The following AHCYL2 variants were observed in gnomAD, a reference collection of about 807,000 sequenced individuals.
AHCYL2 encodes the protein adenosylhomocysteinase like 2.
In AHCYL2, 28 loss-of-function variants were observed where a neutral mutation model predicts 81.4. The observed-to-expected ratio is 0.34, with a 90% CI of 0.25 to 0.47. The LOEUF (loss-of-function observed/expected upper bound fraction) is 0.47. Among genes scored for constraint, AHCYL2 ranks in the 20% least tolerant of loss-of-function variants. The pLI, the probability that AHCYL2 is intolerant of heterozygous loss-of-function variation, is 1.00. For missense variants in AHCYL2, 551 were observed against 785.1 expected, an observed-to-expected ratio of 0.70 and a Z score of 3.56; for synonymous variants, 272 against 290.2, an observed-to-expected ratio of 0.94 and a Z score of 0.64.
intron 1 of AHCYL2, among the ~76,000 whole-genome samples, chr7:129,334,315 A>G (rs1054892649): frequency 2.0e-5 from 3 of 151,866 alleles, no homozygotes; most frequent in African/African-American, 4.8e-5. Flanking sequence ...AGTCCTCTCT[A>G]TTTTGTTTTT....
At chr7:129,344,647 T>C (rs1181344687) in intron 1 of AHCYL2, among the ~76,000 whole-genome samples, 1 of 152,066 alleles carries the variant, frequency 6.6e-6, no homozygotes, top group Non-Finnish European at 1.5e-5. Flanking sequence ...TTATAAGTGT[T>C]ATGAAGGAAA....
intron 1 of AHCYL2, among the ~76,000 whole-genome samples, chr7:129,324,079 G>A (rs1341748022): frequency 1.1e-5 from 1 of 93,320 alleles, no homozygotes; most frequent in African/African-American, 3.6e-5. Flanking sequence ...GTAGATTTTT[G>A]TAGATGTTGG....
At chr7:129,304,805 A>G (rs967897883) in intron 1 of AHCYL2, among the ~76,000 whole-genome samples, 58 of 152,212 alleles carry the variant, frequency 3.8e-4, no homozygotes, top group African/African-American at 1.2e-3. Context: ...TGTAGGCAAC[A>G]GATCATTGAA....
chr7:129,230,405 G>T (rs924967834), intron 1 of AHCYL2, among the ~76,000 whole-genome samples: 1 of 151,818 alleles, frequency 6.6e-6, no homozygotes, highest in Non-Finnish European at 1.5e-5. Flanking sequence ...AAGAGGCCTC[G>T]AAGATAGCTA....
chr7:129,356,059 T>C lies in AHCYL2; in HGVS notation c.364-23579T>C, dbSNP rs188821859. On this transcript the variant is annotated intron_variant, in intron 1 of 16. Transcript: ENST00000325006. ...AAAATGGCTACTCACATATATATTATAGGAACTTTTCTCTCCTTCAACTCG... is the reference window on the plus strand; with the variant it reads ...AAAATGGCTACTCACATATATATTACAGGAACTTTTCTCTCCTTCAACTCG... 7.0e-4 allele frequency among the ~76,000 whole-genome samples: 106 copies of C among 152,320 alleles called. 1 individual carries two copies. The highest frequency in any genetic ancestry group is 1.7e-3 in the African/African-American group (71 of 41,574).
At position 129,427,025 on chromosome 7, in the gene AHCYL2, C is replaced by T; in HGVS notation, c.1830-14C>T. 6.2e-7 allele frequency: 1 copy of T among 1,610,764 alleles called. No homozygotes were observed. Among genetic ancestry groups the T allele is most frequent in the African/African-American group, 1.3e-5 (1 of 74,928 alleles). The stretch of plus-strand genomic sequence containing the variant: ...CTGATAACATCACAGTCTCATCTTT[C>T]TTTTTCCCTCCAGGTATTAAGTTCC... On this transcript the variant is annotated splice_polypyrimidine_tract_variant and intron_variant, in intron 16 of 16. Coordinates refer to ENST00000325006, the MANE Select transcript of AHCYL2 (RefSeq NM_015328.4). This position sits in a 1 kb window ranked among gnomAD's most constrained non-coding sequence, Gnocchi z 5.5.
intron 4 of AHCYL2, among the ~76,000 whole-genome samples, chr7:129,392,714 T>C (rs1270531557): frequency 1.3e-5 from 2 of 152,216 alleles, no homozygotes; most frequent in East Asian, 3.8e-4. Context: ...ATTATTACCA[T>C]CCAATCCTTA....
intron 14 of AHCYL2, 53 bp downstream of exon 14, chr7:129,424,995 C>T: frequency 6.2e-7 from 1 of 1,612,008 alleles, no homozygotes; most frequent in Non-Finnish European, 8.5e-7. Context: ...CTCAGACCCA[C>T]CAGGTTTCAC....
chr7:129,262,668 T>G (rs1795683202), intron 1 of AHCYL2, among the ~76,000 whole-genome samples: 1 of 152,140 alleles, frequency 6.6e-6, no homozygotes, highest in Admixed American at 6.5e-5. Context: ...GAAAGAAGCC[T>G]AATGCTGGGC....
chr7:129,347,932 C>T (rs1036571349), intron 1 of AHCYL2, among the ~76,000 whole-genome samples: 4 of 152,114 alleles, frequency 2.6e-5, no homozygotes, highest in Admixed American at 1.3e-4. Flanking sequence ...ACTTTGGGTA[C>T]CAGGACCTCC....
At chr7:129,297,668 AT>A (rs201167876) in intron 1 of AHCYL2, among the ~76,000 whole-genome samples, 5 of 151,132 alleles carry the variant, frequency 3.3e-5, no homozygotes, top group African/African-American at 1.2e-4. Context: ...TTTGAGAAGA[AT>A]TTTTTTTTAA....
rs755253014 is a variant in AHCYL2 at position 129,346,149 on chromosome 7, G to A, written c.364-33489G>A. ...ACCAGAGTGGTTGTGGTGGTGGTTG[G>A]TATTTGGTTTTGTTCCTTTTCCTTC... On this transcript the variant is annotated intron_variant, in intron 1 of 16. Transcript: ENST00000325006. 5.5e-4 allele frequency among the ~76,000 whole-genome samples: 83 copies of A among 152,206 alleles called. 1 individual carries two copies. The highest frequency in any genetic ancestry group is 2.4e-3 in the Admixed American group (36 of 15,292).
rs375863570 is a variant in AHCYL2 at position 129,342,032 on chromosome 7, C to G, written c.364-37606C>G. 7.2e-5 allele frequency among the ~76,000 whole-genome samples: 11 copies of G among 152,062 alleles called. No individual in the cohort carries two copies. In the South Asian group the frequency reaches 2.3e-3, roughly 32 times the overall value. On this transcript the variant is annotated intron_variant, in intron 1 of 16. Coordinates refer to ENST00000325006, the MANE Select transcript of AHCYL2 (RefSeq NM_015328.4). ...ATAAAGGTAAAGCTTTATGTGGGAA[C>G]CAGCATGTACTTTGGCATTAAGAGA...
At chr7:129,354,165 C>T (rs763630859) in intron 1 of AHCYL2, among the ~76,000 whole-genome samples, 5 of 152,038 alleles carry the variant, frequency 3.3e-5, no homozygotes, top group Admixed American at 2.0e-4. Context: ...GCATTGAAGG[C>T]AATCAGTCCC....
At chr7:129,333,046 G>A (rs1798475308) in intron 1 of AHCYL2, among the ~76,000 whole-genome samples, 1 of 152,102 alleles carries the variant, frequency 6.6e-6, no homozygotes, top group African/African-American at 2.4e-5. Context: ...TACTATTGAG[G>A]GGTGGAATTA....
chr7:129,271,252 T>C (rs1796001585), intron 1 of AHCYL2, among the ~76,000 whole-genome samples: 1 of 150,976 alleles, frequency 6.6e-6, no homozygotes, highest in Non-Finnish European at 1.5e-5. Context: ...TCCCAGCTAT[T>C]CGGGAGGCTA....
intron 13 of AHCYL2, among the ~76,000 whole-genome samples, chr7:129,423,160 G>A (rs185982588): frequency 3.9e-5 from 6 of 152,202 alleles, no homozygotes; most frequent in Non-Finnish European, 7.4e-5. Flanking sequence ...GTCTCTCCAC[G>A]TCAATCCACA....
At chr7:129,372,184 C>T (rs1312153306) in intron 1 of AHCYL2, among the ~76,000 whole-genome samples, 1 of 152,126 alleles carries the variant, frequency 6.6e-6, no homozygotes, top group African/African-American at 2.4e-5. Flanking sequence ...ACTTGCATAT[C>T]AATATGTAGT....
At position 129,268,630 on chromosome 7, in the gene AHCYL2, G is replaced by A. The variant is rs1563173587; in HGVS notation, c.363+43191G>A. Among the ~76,000 whole-genome samples, 4 of 152,182 alleles carry A rather than the reference G, an allele frequency of 2.6e-5. No homozygotes were observed. In the South Asian group the frequency reaches 8.3e-4, roughly 31 times the overall value. Reference sequence around the variant, plus strand: ...GCCTCCCAAAGTGTTGGGATTATAGGCGTGAGCCACTGCACCTGGCCGCTT... The same window carrying A: ...GCCTCCCAAAGTGTTGGGATTATAGACGTGAGCCACTGCACCTGGCCGCTT... On this transcript the variant is annotated intron_variant, in intron 1 of 16. Transcript: ENST00000325006.
Sources: gnomAD v4.1 joint callset for allele counts (sites outside exome capture counted in the v4.1 genomes callset) on GRCh38, gnomAD v4.1.1 for gene constraint, Gnocchi (gnomAD v3.1) non-coding constraint, MANE v1.5 for transcripts, NCBI Gene and HGNC (gene_info 2026-07-23, HGNC 2026-07-21) for gene names.